FSIP1: variants seen among roughly 807,000 people sequenced by gnomAD.
FSIP1 encodes the protein fibrous sheath interacting protein 1.
Under a neutral mutation model 60.9 loss-of-function variants are expected in FSIP1, and 65 were observed. The ratio of observed to expected loss-of-function variants is 1.07; its 90% confidence interval spans 0.87 to 1.31. The LOEUF is 1.31. Ranked by LOEUF, FSIP1 falls within the 40% of genes most tolerant of loss-of-function variation. The probability of loss-of-function intolerance (pLI) is 0.00; values close to 1 mark genes in which losing one functional copy is unlikely to be tolerated. For missense variants in FSIP1, 675 were observed against 665.5 expected (o/e 1.01, Z -0.16); for synonymous variants, 209 against 221.2 (o/e 0.94, Z 0.49).
chr15:39,679,886 A>G (rs1290000466), intron 10 of FSIP1, among the ~76,000 whole-genome samples: 2 of 152,170 alleles, frequency 1.3e-5, no homozygotes, highest in Admixed American at 6.5e-5. Flanking sequence ...AAGGTACCAA[A>G]TATATTATTT....
At chr15:39,706,606 T>C (rs1352895409) in intron 10 of FSIP1, among the ~76,000 whole-genome samples, 2 of 152,190 alleles carry the variant, frequency 1.3e-5, no homozygotes, top group Non-Finnish European at 2.9e-5. Context: ...AGACACAACA[T>C]ATGTATATTA....
chr15:39,618,980 T>C (rs937018078), intron 10 of FSIP1, among the ~76,000 whole-genome samples: 9 of 152,180 alleles, frequency 5.9e-5, no homozygotes, highest in African/African-American at 1.9e-4. Context: ...AATCAGTGTC[T>C]TCCATGGTTT....
chr15:39,737,694 C>G (rs2140632195), intron 8 of FSIP1, among the ~76,000 whole-genome samples: 1 of 152,124 alleles, frequency 6.6e-6, no homozygotes, highest in Non-Finnish European at 1.5e-5. Flanking sequence ...ATTTTAAGTT[C>G]AGAGGTACAT....
intron 8 of FSIP1, among the ~76,000 whole-genome samples, chr15:39,733,365 G>C (rs994434052): frequency 2.0e-5 from 3 of 152,208 alleles, no homozygotes; most frequent in African/African-American, 7.2e-5. Flanking sequence ...TCAAAAGAGA[G>C]CTACATGGCT....
intron 10 of FSIP1, among the ~76,000 whole-genome samples, chr15:39,622,546 A>T (rs1245992611): frequency 6.6e-6 from 1 of 152,254 alleles, no homozygotes; most frequent in East Asian, 1.9e-4. Context: ...AATAATAAAT[A>T]GGTAGCATTC....
chr15:39,641,928 G>A (rs952494652), intron 10 of FSIP1, among the ~76,000 whole-genome samples: 6 of 152,070 alleles, frequency 3.9e-5, no homozygotes, highest in African/African-American at 1.4e-4. Flanking sequence ...TAAAATTATT[G>A]AGCAGTCCTT....
intron 3 of FSIP1, among the ~76,000 whole-genome samples, chr15:39,768,739 C>T (rs998350730): frequency 2.0e-5 from 3 of 152,214 alleles, no homozygotes; most frequent in African/African-American, 7.2e-5. Context: ...TTCTTTGATA[C>T]TACACCAAAA....
intron 10 of FSIP1, among the ~76,000 whole-genome samples, chr15:39,703,511 T>A (rs1255806126): frequency 6.6e-6 from 1 of 152,224 alleles, no homozygotes; most frequent in Non-Finnish European, 1.5e-5. Context: ...AACTGAAACC[T>A]ACTAATATAT....
intron 10 of FSIP1, among the ~76,000 whole-genome samples, chr15:39,700,247 T>C (rs1364594995): frequency 6.6e-6 from 1 of 152,192 alleles, no homozygotes; most frequent in Non-Finnish European, 1.5e-5. Context: ...ACCCTACTCA[T>C]TCCTCAAGGT....
intron 5 of FSIP1, among the ~76,000 whole-genome samples, chr15:39,749,664 T>C (rs1897107636): frequency 6.6e-6 from 1 of 151,670 alleles, no homozygotes; most frequent in Non-Finnish European, 1.5e-5. Context: ...TAGAAGAAAA[T>C]TTCCTGAAGG....
At chr15:39,741,629 TAACAAACTCTC>T (rs1290640855) in intron 6 of FSIP1, among the ~76,000 whole-genome samples, 165 bp downstream of exon 6, 1 of 152,224 alleles carries the variant, frequency 6.6e-6, no homozygotes, top group Non-Finnish European at 1.5e-5. Flanking sequence ...TAGAATGGTA[TAACAAACTCTC>T]AACAACTAGC....
At chr15:39,764,508 G>A (rs1897614673) in intron 4 of FSIP1, among the ~76,000 whole-genome samples, 1 of 152,138 alleles carries the variant, frequency 6.6e-6, no homozygotes, top group South Asian at 2.1e-4. Flanking sequence ...TCAGTCAACT[G>A]TTCAAGGAGG....
At chr15:39,736,091 C>T (rs915253847) in intron 8 of FSIP1, among the ~76,000 whole-genome samples, 2 of 152,206 alleles carry the variant, frequency 1.3e-5, no homozygotes, top group Non-Finnish European at 2.9e-5. Flanking sequence ...TATAGAGCTA[C>T]GGTGTCACTA....
chr15:39,656,694 A>G (rs1478760584), intron 10 of FSIP1, among the ~76,000 whole-genome samples: 2 of 152,246 alleles, frequency 1.3e-5, no homozygotes, highest in Non-Finnish European at 2.9e-5. Context: ...CACTAACACA[A>G]TCTTGTGGAC....
chr15:39,724,210 A>T (rs1295854975), intron 9 of FSIP1, among the ~76,000 whole-genome samples: 1 of 152,136 alleles, frequency 6.6e-6, no homozygotes, highest in Non-Finnish European at 1.5e-5. Flanking sequence ...TGAACTCTGA[A>T]AATGTGATTT....
At chr15:39,661,097 A>T (rs1893278010) in intron 10 of FSIP1, among the ~76,000 whole-genome samples, 1 of 152,190 alleles carries the variant, frequency 6.6e-6, no homozygotes. Context: ...AAATAAATGC[A>T]ATAATTAGAA....
intron 3 of FSIP1, among the ~76,000 whole-genome samples, chr15:39,767,004 C>A (rs760426349): frequency 1.3e-5 from 2 of 152,076 alleles, no homozygotes; most frequent in Non-Finnish European, 2.9e-5. Flanking sequence ...GTCACCATAC[C>A]TGGATAATTT....
intron 10 of FSIP1, among the ~76,000 whole-genome samples, chr15:39,686,611 G>A (rs1894382082): frequency 6.6e-6 from 1 of 152,220 alleles, no homozygotes; most frequent in Non-Finnish European, 1.5e-5. Context: ...AACAAATGGT[G>A]GCCTCTAATA....
chr15:39,708,608 C>A (rs1413320928), intron 10 of FSIP1, among the ~76,000 whole-genome samples: 1 of 152,138 alleles, frequency 6.6e-6, no homozygotes, highest in Non-Finnish European at 1.5e-5. Context: ...CCAACACACA[C>A]AAAACACACT....
Sources: gnomAD v4.1 joint callset for allele counts (sites outside exome capture counted in the v4.1 genomes callset) on GRCh38, gnomAD v4.1.1 for gene constraint, MANE v1.5 for transcripts, NCBI Gene and HGNC (gene_info 2026-07-23, HGNC 2026-07-21) for gene names.